Variants in HIVEP3 observed in about 807,000 individuals in gnomAD.
The protein encoded by HIVEP3 is transcription factor HIVEP3.
A neutral mutation model predicts 152.8 loss-of-function variants in HIVEP3; 49 were observed. The ratio of observed to expected loss-of-function variants is 0.32; its 90% CI spans 0.26 to 0.41. HIVEP3 has a LOEUF of 0.41. Among genes scored for constraint, HIVEP3 ranks in the 10% least tolerant of loss-of-function variants. The pLI, the probability that HIVEP3 is intolerant of heterozygous loss-of-function variation, is 1.00. For missense variants in HIVEP3, 2,790 were observed against 3,103.3 expected (o/e 0.90, Z 2.40); for synonymous variants, 1,269 against 1,289.0 (o/e 0.98, Z 0.33).
At chr1:41,894,116 A>C (rs1644493505) in intron 1 of HIVEP3, among the ~76,000 whole-genome samples, 1 of 151,928 alleles carries the variant, frequency 6.6e-6, no homozygotes, top group Non-Finnish European at 1.5e-5. Flanking sequence ...CACCATGCCC[A>C]GCCTATTTTA....
chr1:41,749,452 G>C (rs1006294684), intron 1 of HIVEP3, among the ~76,000 whole-genome samples: 2 of 147,690 alleles, frequency 1.4e-5, no homozygotes, highest in African/African-American at 2.5e-5. Context: ...CAGAGAGAAG[G>C]AGACAGAGAG....
In HIVEP3 at chr1:41,513,198, G is replaced by A. The variant is rs1246603793; in HGVS notation, c.6023C>T (p.Pro2008Leu). 6.2e-7 allele frequency: 1 copy of A among 1,613,766 alleles called. No homozygotes were observed. Among genetic ancestry groups the A allele is most frequent in the African/African-American group, 1.3e-5 (1 of 74,944 alleles). ...SPAREPQASAPSPPGLHVDPG... is the reference protein window; with the variant it reads ...SPAREPQASALSPPGLHVDPG... ...GTCCACGTGCAGGCCAGGTGGGCTT[G>A]GGGCTGAGGCCTGTGGTTCTCGGGC... is the stretch of plus-strand genomic sequence containing the variant. The change falls in exon 8 of 9, where the codon CCA (proline) becomes CTA (leucine). Residue 2008 changes from proline to leucine, a missense_variant. By Grantham distance (98) the Pro-to-Leu change is moderately conservative. Around this residue, in one of 9 missense-constraint regions of HIVEP3, gnomAD observed 816 missense variants for 806.5 expected, o/e 1.01. Transcript: ENST00000372583.
intron 7 of HIVEP3, among the ~76,000 whole-genome samples, chr1:41,517,547 T>C (rs1358182374): frequency 6.7e-6 from 1 of 149,968 alleles, no homozygotes; most frequent in Non-Finnish European, 1.5e-5. Context: ...AGACACACAG[T>C]GCGTGCATAC....
chr1:41,826,065 C>G (rs1642793570), intron 1 of HIVEP3, among the ~76,000 whole-genome samples: 1 of 152,078 alleles, frequency 6.6e-6, no homozygotes, highest in Admixed American at 6.5e-5. Context: ...ACATGGCTGC[C>G]CTGCTGGAAT....
chr1:41,585,379 C>G (rs998388261), intron 3 of HIVEP3, 61 bp from the exon 4 acceptor site: 4 of 398,660 alleles, frequency 1.0e-5, no homozygotes, highest in Non-Finnish European at 1.8e-5. Flanking sequence ...GACAGAGTTA[C>G]TGGGACTCAT....
intron 5 of HIVEP3, among the ~76,000 whole-genome samples, chr1:41,531,383 G>A (rs1441340111): frequency 4.9e-5 from 7 of 141,548 alleles, no homozygotes; most frequent in Admixed American, 1.4e-4. Context: ...AGACAGGGGC[G>A]ATAGAGGACA....
intron 1 of HIVEP3, among the ~76,000 whole-genome samples, chr1:41,913,490 G>A (rs1264458194): frequency 6.6e-6 from 1 of 152,188 alleles, no homozygotes; most frequent in East Asian, 1.9e-4. Context: ...TCAAACTCCT[G>A]GACTCAAGAG....
At chr1:41,789,809 G>C (rs976454080) in intron 1 of HIVEP3, among the ~76,000 whole-genome samples, 4 of 152,110 alleles carry the variant, frequency 2.6e-5, no homozygotes, top group African/African-American at 9.7e-5. Flanking sequence ...GGCTGGGTTG[G>C]GACCAGACAG....
chr1:41,636,345 A>G (rs1645273143), intron 2 of HIVEP3, among the ~76,000 whole-genome samples: 1 of 152,242 alleles, frequency 6.6e-6, no homozygotes, highest in South Asian at 2.1e-4. Context: ...CATCCTATAA[A>G]AGCAAGTTCA....
intron 1 of HIVEP3, among the ~76,000 whole-genome samples, chr1:41,924,568 A>G (rs558972493): frequency 4.7e-4 from 72 of 152,156 alleles, no homozygotes; most frequent in African/African-American, 1.7e-3. Context: ...TAGTAGCAAA[A>G]TGTCCTTGGG....
intron 5 of HIVEP3, chr1:41,542,609 A>G: frequency 6.6e-6 from 1 of 152,644 alleles, no homozygotes; most frequent in Non-Finnish European, 1.5e-5. Context: ...GAGGAAAGAG[A>G]GGATGCAGAC....
chr1:42,011,526 A>G (rs1645492006), intron 1 of HIVEP3, among the ~76,000 whole-genome samples: 1 of 152,214 alleles, frequency 6.6e-6, no homozygotes, highest in Admixed American at 6.5e-5. Flanking sequence ...AATTCAAGAT[A>G]TCACACCACC....
chr1:41,622,234 C>T (rs760168199), intron 3 of HIVEP3, among the ~76,000 whole-genome samples: 3 of 152,086 alleles, frequency 2.0e-5, no homozygotes, highest in Non-Finnish European at 4.4e-5. Flanking sequence ...GCATATATGA[C>T]CAGGGTAGAA....
chr1:41,673,559 T>C (rs1645909242), intron 2 of HIVEP3, among the ~76,000 whole-genome samples: 2 of 152,112 alleles, frequency 1.3e-5, no homozygotes, highest in African/African-American at 4.8e-5. Flanking sequence ...ACCCAGAGCT[T>C]CTCCTCACTG....
At chr1:41,947,888 T>C (rs1206744126) in intron 1 of HIVEP3, among the ~76,000 whole-genome samples, 1 of 152,230 alleles carries the variant, frequency 6.6e-6, no homozygotes, top group South Asian at 2.1e-4. Flanking sequence ...CATCTCATGA[T>C]GTGAATGGCA....
chr1:41,558,036 C>T lies in HIVEP3; in HGVS notation c.5207+17508G>A, dbSNP rs561008489. ...CACGGAGGTGGAGGAATGTGCCCAG[C>T]GAACAGTAAGCGGCAGAGCTGGGAT... On this transcript the variant is annotated intron_variant, in intron 5 of 8. Transcript: ENST00000372583. Among the ~76,000 whole-genome samples, 154 of 152,270 alleles carry T rather than the reference C, an allele frequency of 1.0e-3. No homozygotes were observed. In the Middle Eastern group the frequency reaches 0.01, roughly 10 times the overall value.
intron 1 of HIVEP3, among the ~76,000 whole-genome samples, chr1:41,908,865 G>A (rs376060318): frequency 2.6e-5 from 4 of 152,164 alleles, no homozygotes; most frequent in East Asian, 3.8e-4. Context: ...GTGGCCTCAC[G>A]GGAAGAGGAG....
At chr1:41,766,992 G>C (rs1648054210) in intron 1 of HIVEP3, among the ~76,000 whole-genome samples, 2 of 152,302 alleles carry the variant, frequency 1.3e-5, no homozygotes, top group South Asian at 4.1e-4. Context: ...ACCCGCACTA[G>C]ACTACAGCTT....
intron 2 of HIVEP3, among the ~76,000 whole-genome samples, chr1:41,681,604 T>C (rs1479257484): frequency 2.6e-5 from 4 of 152,158 alleles, no homozygotes; most frequent in African/African-American, 9.7e-5. Flanking sequence ...CCACATTCTT[T>C]CACAGGCACA....
Sources: gnomAD v4.1 joint callset for allele counts (sites outside exome capture counted in the v4.1 genomes callset) on GRCh38, gnomAD v4.1.1 for gene constraint, gnomAD v4.1.1 regional missense constraint, MANE v1.5 for transcripts, NCBI Gene and HGNC (gene_info 2026-07-23, HGNC 2026-07-21) for gene names.